The following FOXP2 variants were observed in gnomAD, a reference collection of about 807,000 sequenced individuals.
FOXP2 encodes forkhead box protein P2.
A neutral mutation model predicts 115.8 loss-of-function variants in FOXP2; 12 were observed. That is an observed-to-expected ratio of 0.10 (90% CI 0.07 to 0.17). FOXP2 has a LOEUF of 0.17. FOXP2 is among the 10% of genes least tolerant of loss of function. The pLI is 1.00. For missense variants in FOXP2, 629 were observed against 843.5 expected, an observed-to-expected ratio of 0.75 and a Z score of 3.15; for synonymous variants, 328 against 297.7, an observed-to-expected ratio of 1.10 and a Z score of -1.05.
chr7:114,224,442 C>G (rs115661468), intron 1 of FOXP2, among the ~76,000 whole-genome samples: 11 of 152,214 alleles, frequency 7.2e-5, no homozygotes, highest in African/African-American at 2.6e-4. Flanking sequence ...TTATCATTTT[C>G]TATATAATGA....
At chr7:114,465,024 T>G (rs1183469156) in intron 2 of FOXP2, among the ~76,000 whole-genome samples, 1 of 152,354 alleles carries the variant, frequency 6.6e-6, no homozygotes, top group Non-Finnish European at 1.5e-5. Context: ...CTATTTCACA[T>G]TATATGGATA....
intron 2 of FOXP2, among the ~76,000 whole-genome samples, chr7:114,464,054 A>T (rs541814834): frequency 1.3e-5 from 2 of 152,330 alleles, no homozygotes; most frequent in East Asian, 3.9e-4. Flanking sequence ...GATTGTAAAA[A>T]AGCAGCTCCT....
intron 2 of FOXP2, chr7:114,499,221 A>G (rs1797456562): frequency 3.0e-6 from 1 of 328,248 alleles, no homozygotes; most frequent in East Asian, 5.5e-5. Context: ...TCCCAGAGTG[A>G]TTATGGAGGA....
At chr7:114,311,784 T>C (rs943634920) in intron 2 of FOXP2, among the ~76,000 whole-genome samples, 1 of 152,184 alleles carries the variant, frequency 6.6e-6, no homozygotes, top group African/African-American at 2.4e-5. Context: ...AAAAATTCTT[T>C]ATTACTCTAC....
At chr7:114,654,147 C>T (rs1345937034) in intron 10 of FOXP2, 138 bp downstream of exon 10, 2 of 1,545,040 alleles carry the variant, frequency 1.3e-6, no homozygotes, top group African/African-American at 1.4e-5. Context: ...AATGTAATCG[C>T]TTGTCAAATT....
At chr7:114,652,391 T>C in intron 9 of FOXP2, 101 bp downstream of exon 9, 1 of 993,746 alleles carries the variant, frequency 1.0e-6, no homozygotes, top group Non-Finnish European at 1.6e-6. Flanking sequence ...TTTACTGTCT[T>C]AGCCATTCAA....
intron 6 of FOXP2, among the ~76,000 whole-genome samples, chr7:114,636,615 T>C (rs892634599): frequency 3.9e-5 from 5 of 128,940 alleles, no homozygotes; most frequent in Non-Finnish European, 8.4e-5. Flanking sequence ...GAAATGACAT[T>C]GAAAAAATCT....
chr7:114,465,330 A>T (rs1449456844), intron 2 of FOXP2, among the ~76,000 whole-genome samples: 2 of 152,150 alleles, frequency 1.3e-5, no homozygotes, highest in African/African-American at 4.8e-5. Flanking sequence ...CACTACTCCC[A>T]TTCTACTTTT....
chr7:114,605,507 G>A (rs568830255), intron 3 of FOXP2, among the ~76,000 whole-genome samples: 1 of 152,268 alleles, frequency 6.6e-6, no homozygotes, highest in South Asian at 2.1e-4. Context: ...AAGACAAAAT[G>A]AGATAAATGT....
intron 1 of FOXP2, among the ~76,000 whole-genome samples, chr7:114,264,312 G>GT (rs112402247): frequency 0.083 from 12,654 of 152,082 alleles, 1,382 homozygotes; most frequent in African/African-American, 0.25. Flanking sequence ...AAAAATAGAA[G>GT]TTTTTTCATG....
chr7:114,253,440 G>A (rs563902027), intron 1 of FOXP2, among the ~76,000 whole-genome samples: 1 of 152,080 alleles, frequency 6.6e-6, no homozygotes, highest in African/African-American at 2.4e-5. Flanking sequence ...TCTCTTTGTA[G>A]GTCTCTAAGG....
At chr7:114,340,118 T>G (rs988100292) in intron 2 of FOXP2, among the ~76,000 whole-genome samples, 5 of 151,178 alleles carry the variant, frequency 3.3e-5, no homozygotes, top group Non-Finnish European at 7.4e-5. Context: ...ATAATTTAAT[T>G]AAGGAAATGC....
intron 1 of FOXP2, among the ~76,000 whole-genome samples, chr7:114,227,401 GATTT>G (rs1383098249): frequency 6.6e-6 from 1 of 151,964 alleles, no homozygotes; most frequent in Non-Finnish European, 1.5e-5. Context: ...GCAGCATTCT[GATTT>G]GTCTCTCTTC....
Position 114,453,486 on chromosome 7 carries a change from A to T in FOXP2, c.168+26807A>T, listed in dbSNP as rs544303906. ...ACCTTCTCTCCAAAAGCAAAATGAT[A>T]TAAAACAGTTTATTTGTATATTCCT... On this transcript the variant is annotated intron_variant, in intron 2 of 16. Transcript: ENST00000350908. 2.6e-5 allele frequency among the ~76,000 whole-genome samples: 4 copies of T among 152,194 alleles called. 1 individual carries two copies. In the South Asian group the frequency reaches 8.3e-4, roughly 32 times the overall value.
chr7:114,474,074 A>G (rs1039513955), intron 2 of FOXP2, among the ~76,000 whole-genome samples: 1 of 152,150 alleles, frequency 6.6e-6, no homozygotes, highest in Admixed American at 6.6e-5. Flanking sequence ...TGTCTTAAAA[A>G]CATAAGGTAG....
At chr7:114,159,897 A>G (rs772547082), upstream of FOXP2, among the ~76,000 whole-genome samples, 1 of 152,220 alleles carries the variant, frequency 6.6e-6, no homozygotes, top group Non-Finnish European at 1.5e-5. Context: ...ATTTTTATGC[A>G]AAGGCTCAAC....
At chr7:114,375,846 C>A (rs1792125523) in intron 2 of FOXP2, among the ~76,000 whole-genome samples, 1 of 152,152 alleles carries the variant, frequency 6.6e-6, no homozygotes, top group Non-Finnish European at 1.5e-5. Flanking sequence ...GTCATTTCTG[C>A]TGCATTGTAT....
intron 1 of FOXP2, among the ~76,000 whole-genome samples, chr7:114,126,523 G>T: frequency 6.6e-6 from 1 of 152,188 alleles, no homozygotes; most frequent in East Asian, 1.9e-4. Flanking sequence ...AAAGCTATTT[G>T]CAGTCATTAT....
At chr7:114,610,800 ATT>A (rs538234066) in intron 3 of FOXP2, among the ~76,000 whole-genome samples, 4 of 140,282 alleles carry the variant, frequency 2.9e-5, no homozygotes, top group East Asian at 4.1e-4. Context: ...ATGTCTGACT[ATT>A]TTTTTTTTTT....
Sources: gnomAD v4.1 joint callset for allele counts (sites outside exome capture counted in the v4.1 genomes callset) on GRCh38, gnomAD v4.1.1 for gene constraint, MANE v1.5 for transcripts, NCBI Gene and HGNC (gene_info 2026-07-23, HGNC 2026-07-21) for gene names.